The following GRK5 variants were observed in gnomAD, a reference collection of about 807,000 sequenced individuals.
GRK5 encodes g protein-coupled receptor kinase GRK5.
Under a neutral mutation model 78.4 loss-of-function variants are expected in GRK5, and 40 were observed. That is an observed-to-expected ratio of 0.51 (90% CI 0.40 to 0.66). GRK5 has a LOEUF of 0.66. GRK5 is among the 30% of genes least tolerant of loss of function. The pLI is 0.00. For synonymous variants in GRK5, 289 were observed against 296.8 expected, an observed-to-expected ratio of 0.97 and a Z score of 0.27; for missense variants, 598 against 759.9, an observed-to-expected ratio of 0.79 and a Z score of 2.50.
intron 1 of GRK5, among the ~76,000 whole-genome samples, chr10:119,302,855 C>T (rs147872035): frequency 6.6e-6 from 1 of 152,210 alleles, no homozygotes; most frequent in Non-Finnish European, 1.5e-5. Context: ...TCTGTCCCCA[C>T]GTGACCAACA....
chr10:119,260,995 C>T (rs1298322405), intron 1 of GRK5, among the ~76,000 whole-genome samples: 11 of 148,640 alleles, frequency 7.4e-5, no homozygotes, highest in East Asian at 4.1e-4. Context: ...GGCAGAGGCA[C>T]CCCTCACCTC....
intron 10 of GRK5, among the ~76,000 whole-genome samples, chr10:119,440,840 C>T (rs915006921): frequency 1.3e-5 from 2 of 152,150 alleles, no homozygotes; most frequent in African/African-American, 2.4e-5. Context: ...CATGAGCCAC[C>T]GGTTTCCACA....
In GRK5 at chr10:119,453,243, G is replaced by T. The variant is rs768539745; in HGVS notation, c.1641G>T (p.Lys547Asn). The change falls in exon 15 of 16, where the codon AAG becomes AAT. Residue 547 changes from lysine (K) to asparagine (N), a missense_variant. By Grantham distance (94) the Lys-to-Asn change is moderately conservative. Coordinates refer to ENST00000392870, the MANE Select transcript of GRK5 (RefSeq NM_005308.3). ...GAAACCACCCTCCGGAACCGCCCAA[G>T]AAAGGGCTGCTCCAGAGACTCTTCA... ...LNRNHPPEPP[K>N]KGLLQRLFKR... 2 of 1,613,994 alleles carry T rather than the reference G, an allele frequency of 1.2e-6. No homozygotes were observed. Among genetic ancestry groups the T allele is most frequent in the African/African-American group, 2.7e-5 (2 of 74,924 alleles).
At chr10:119,345,729 G>T (rs754782408) in intron 2 of GRK5, among the ~76,000 whole-genome samples, 1 of 151,928 alleles carries the variant, frequency 6.6e-6, no homozygotes, top group Non-Finnish European at 1.5e-5. Flanking sequence ...CCTGCCAGCA[G>T]ACTTCAGGCC....
intron 1 of GRK5, among the ~76,000 whole-genome samples, chr10:119,240,682 G>GT (rs1215806510): frequency 6.6e-6 from 1 of 151,744 alleles, no homozygotes; most frequent in East Asian, 1.9e-4. Context: ...TGATGGGGTT[G>GT]TTTTTTTCTT....
At chr10:119,223,850 G>A (rs376713259) in intron 1 of GRK5, among the ~76,000 whole-genome samples, 7 of 151,800 alleles carry the variant, frequency 4.6e-5, no homozygotes, top group African/African-American at 1.7e-4. Context: ...AACCCAAGTC[G>A]GCCTGTGGAG....
intron 3 of GRK5, among the ~76,000 whole-genome samples, chr10:119,394,213 TGGGTACGTGTGG>T (rs2133847266): frequency 6.7e-6 from 1 of 150,142 alleles, no homozygotes; most frequent in South Asian, 2.1e-4. Flanking sequence ...TATCTGTGTG[TGGGTACGTGTGG>T]GTGTGGGTGT....
At chr10:119,311,502 A>G (rs1366041380) in intron 1 of GRK5, among the ~76,000 whole-genome samples, 1 of 152,170 alleles carries the variant, frequency 6.6e-6, no homozygotes, top group Non-Finnish European at 1.5e-5. Flanking sequence ...AAGGGCGAGT[A>G]GAGGCCTAGC....
chr10:119,366,730 G>A (rs1324573673), intron 2 of GRK5, among the ~76,000 whole-genome samples: 1 of 152,124 alleles, frequency 6.6e-6, no homozygotes, highest in South Asian at 2.1e-4. Flanking sequence ...GGTGACAGGG[G>A]TGCCTCCTCC....
Position 119,261,671 on chromosome 10 carries a change from C to A in GRK5, c.52+53702C>A, listed in dbSNP as rs369241428. Among the ~76,000 whole-genome samples the A allele has an allele frequency of 1.9e-3, 287 of 152,168 alleles. 1 individual carries two copies. Among genetic ancestry groups the A allele is most frequent in the African/African-American group, 6.7e-3 (278 of 41,536 alleles). On this transcript the variant is annotated intron_variant, in intron 1 of 15. Coordinates refer to ENST00000392870, the MANE Select transcript of GRK5 (RefSeq NM_005308.3). The stretch of plus-strand genomic sequence containing the variant: ...CGGCACCTCGGGAGGCCGAGGCTGG[C>A]GGATCACTCGCGGTTAGGAGCTGGA...
intron 4 of GRK5, among the ~76,000 whole-genome samples, chr10:119,421,262 C>T (rs1852564854): frequency 6.6e-6 from 1 of 152,246 alleles, no homozygotes; most frequent in Non-Finnish European, 1.5e-5. Context: ...TGCTAATATT[C>T]AGTTGCTCTG....
intron 1 of GRK5, among the ~76,000 whole-genome samples, chr10:119,276,007 G>T (rs1849664461): frequency 6.6e-6 from 1 of 152,176 alleles, no homozygotes; most frequent in Non-Finnish European, 1.5e-5. Flanking sequence ...GGAGGTCTCA[G>T]TGTCCTTCCT....
intron 11 of GRK5, among the ~76,000 whole-genome samples, chr10:119,442,622 T>C (rs762475963): frequency 6.6e-6 from 1 of 152,128 alleles, no homozygotes; most frequent in African/African-American, 2.4e-5. Flanking sequence ...CCCCGTCCAA[T>C]TGGGGGCACG....
At chr10:119,241,577 G>A (rs1353916780) in intron 1 of GRK5, among the ~76,000 whole-genome samples, 1 of 152,152 alleles carries the variant, frequency 6.6e-6, no homozygotes, top group Non-Finnish European at 1.5e-5. Flanking sequence ...TGTGAAAATT[G>A]GCATAGTGGT....
chr10:119,305,224 G>A (rs952566896), intron 1 of GRK5, among the ~76,000 whole-genome samples: 14 of 152,126 alleles, frequency 9.2e-5, no homozygotes, highest in African/African-American at 2.9e-4. Context: ...GTGGGAACCC[G>A]TGGTCCCCTC....
intron 2 of GRK5, among the ~76,000 whole-genome samples, chr10:119,377,482 A>T (rs1443083032): frequency 6.6e-6 from 1 of 152,196 alleles, no homozygotes; most frequent in Non-Finnish European, 1.5e-5. Context: ...AAATGAACCC[A>T]TTGATCTTGA....
At chr10:119,269,439 T>C (rs535837250) in intron 1 of GRK5, among the ~76,000 whole-genome samples, 1 of 152,254 alleles carries the variant, frequency 6.6e-6, no homozygotes, top group African/African-American at 2.4e-5. Context: ...TGGTTAGCCC[T>C]GTAATGGGCT....
intron 1 of GRK5, among the ~76,000 whole-genome samples, chr10:119,293,575 G>A (rs1339633574): frequency 1.3e-5 from 2 of 152,236 alleles, no homozygotes; most frequent in African/African-American, 4.8e-5. Context: ...GATAGTTTAT[G>A]TTGACTGCGG....
At position 119,452,299 on chromosome 10, in the gene GRK5, TATGGGTAAGGGAGTG is replaced by T. The variant is rs888460760; in HGVS notation, c.1405-367_1405-353del. The T allele has an allele frequency of 1.3e-5, 3 of 223,034 alleles. No individual in the cohort carries two copies. The highest frequency in any genetic ancestry group is 2.7e-5 in the Non-Finnish European group (3 of 111,902). 13.8% of individuals were successfully genotyped at this position (223,034 alleles called of 1,614,324 possible). On this transcript the variant is annotated intron_variant, in intron 13 of 15. Coordinates refer to ENST00000392870, the MANE Select transcript of GRK5 (RefSeq NM_005308.3). This position sits in a 1 kb window ranked among gnomAD's most constrained non-coding sequence, Gnocchi z 4.4. ...GGGACTCTAGCCCACGTCTGTCCAG[TATGGGTAAGGGAGTG>T]ATGGCAGGAATGAGCCCTGGGCTGG... is the stretch of plus-strand genomic sequence containing the variant.
Sources: allele counts gnomAD v4.1 joint callset (sites outside exome capture counted in the v4.1 genomes callset), GRCh38; gene constraint gnomAD v4.1.1; non-coding constraint Gnocchi (gnomAD v3.1); transcripts MANE v1.5; gene names NCBI Gene and HGNC (gene_info 2026-07-23, HGNC 2026-07-21).